The following CACNG8 variants were observed in gnomAD, a reference collection of about 807,000 sequenced individuals.
CACNG8 encodes the protein calcium voltage-gated channel auxiliary subunit gamma 8, also known as voltage-dependent calcium channel gamma-8 subunit.
CACNG8 carries 5 observed loss-of-function variants against 26.9 expected under a neutral mutation model. That is an observed-to-expected ratio of 0.19 (90% CI 0.10 to 0.39). The LOEUF is 0.39. Ranked by LOEUF, CACNG8 falls within the 10% of genes least tolerant of loss-of-function variation. CACNG8 has a pLI of 1.00. For synonymous variants in CACNG8, 321 were observed against 296.7 expected, an observed-to-expected ratio of 1.08 and a Z score of -0.84; for missense variants, 473 against 609.4, an observed-to-expected ratio of 0.78 and a Z score of 2.36.
chr19:53,969,092 A>G (rs1378698827), intron 1 of CACNG8, among the ~76,000 whole-genome samples: 1 of 151,948 alleles, frequency 6.6e-6, no homozygotes, highest in African/African-American at 2.4e-5. Flanking sequence ...CAACCTCCAC[A>G]TCCCGGGTTC....
In CACNG8 at chr19:53,988,724, G is replaced by C. The variant is rs2069422399; in HGVS notation, c.*5875G>C. 6.6e-6 allele frequency: 1 copy of C among 152,408 alleles called. No individual in the cohort carries two copies. The highest frequency in any genetic ancestry group is 1.5e-5 in the Non-Finnish European group (1 of 68,130). The allele number at this position is 152,408 out of a possible 1,614,324, so 9.4% of individuals were successfully genotyped here. Reference sequence around the variant, plus strand: ...TAGCTGTCACAGCAGGCAGGAGCAAGAGAGATGGGGAAGCCCAGGGCCAGG... The same window carrying C: ...TAGCTGTCACAGCAGGCAGGAGCAACAGAGATGGGGAAGCCCAGGGCCAGG... On this transcript the variant is annotated 3_prime_UTR_variant, in exon 4 of 4. Transcript: ENST00000270458.
chr19:53,965,461 C>T (rs1199555956), intron 1 of CACNG8, among the ~76,000 whole-genome samples: 3 of 151,946 alleles, frequency 2.0e-5, no homozygotes, highest in Non-Finnish European at 4.4e-5. Context: ...AGTTCATGTC[C>T]ATTCACTGGT....
At chr19:53,971,480 A>G (rs1408914983) in intron 1 of CACNG8, among the ~76,000 whole-genome samples, 3 of 152,064 alleles carry the variant, frequency 2.0e-5, no homozygotes, top group African/African-American at 7.2e-5. Context: ...CCCAGTAAAT[A>G]TTTTACCCTC....
rs558875261 is a variant in CACNG8 at position 53,979,056 on chromosome 19, A to G, written c.368-811A>G. 6.6e-4 allele frequency among the ~76,000 whole-genome samples: 97 copies of G among 146,250 alleles called. No individual in the cohort carries two copies. The Middle Eastern group carries it at 0.011, about 17-fold the overall frequency. ...GGAAGACAGATGAGGCCAGGCAGAA[A>G]AAAAAAGAGGGGGGAGAGACCTAGG... On this transcript the variant is annotated intron_variant, in intron 2 of 3. Transcript: ENST00000270458.
intron 1 of CACNG8, among the ~76,000 whole-genome samples, chr19:53,968,452 C>T (rs1026933160): frequency 1.3e-5 from 2 of 151,490 alleles, no homozygotes; most frequent in African/African-American, 4.8e-5. Flanking sequence ...AAGGCTTAAG[C>T]TTTCGGCCAG....
At chr19:53,974,193 T>C (rs1458294249) in intron 1 of CACNG8, among the ~76,000 whole-genome samples, 4 of 152,212 alleles carry the variant, frequency 2.6e-5, no homozygotes, top group Non-Finnish European at 5.9e-5. Context: ...TTCATATAAG[T>C]GGAATGACAC....
At chr19:53,977,326 C>T (rs977790349) in intron 1 of CACNG8, among the ~76,000 whole-genome samples, 1 of 152,198 alleles carries the variant, frequency 6.6e-6, no homozygotes, top group Admixed American at 6.5e-5. Context: ...CTGGACAGAG[C>T]TGGGCAGTTG....
intron 1 of CACNG8, among the ~76,000 whole-genome samples, chr19:53,975,591 G>C (rs1373238828): frequency 6.6e-6 from 1 of 152,062 alleles, no homozygotes; most frequent in Non-Finnish European, 1.5e-5. Flanking sequence ...TGTTGGCCAG[G>C]CTGGTCTCAA....
rs936594944 is a variant in CACNG8, at chr19:53,982,211, A to T, written c.640A>T (p.Ile214Phe). The T allele has an allele frequency of 6.2e-7, 1 of 1,613,084 alleles. No individual in the cohort carries two copies. The highest frequency in any genetic ancestry group is 8.5e-7 in the Non-Finnish European group (1 of 1,179,718). Reference sequence around the variant, plus strand: ...CTTCTACTTCGGCGGGCTGTCGTTCATCCTGGCCGAGGTGATAGGCGTGCT... The same window carrying T: ...CTTCTACTTCGGCGGGCTGTCGTTCTTCCTGGCCGAGGTGATAGGCGTGCT... The change falls in exon 4 of 4, where the codon ATC becomes TTC. Residue 214 changes from isoleucine (I) to phenylalanine (F), a missense_variant. Physicochemically the swap from Ile to Phe is conservative, Grantham distance 21 (BLOSUM62 0). This residue lies in a region of CACNG8 where 155 missense variants were observed against 253.0 expected (regional missense o/e 0.61). Transcript: ENST00000270458. The surrounding 1 kb of genome is among the most constrained non-coding windows in gnomAD (Gnocchi z 8.4).
intron 3 of CACNG8, among the ~76,000 whole-genome samples, chr19:53,980,249 C>T (rs1312371211): frequency 6.9e-6 from 1 of 145,236 alleles, no homozygotes; most frequent in South Asian, 2.2e-4. Context: ...AGGAGTAAAC[C>T]GACACAGGCA....
intron 1 of CACNG8, among the ~76,000 whole-genome samples, chr19:53,970,132 C>A (rs917980652): frequency 6.6e-6 from 1 of 151,794 alleles, no homozygotes; most frequent in African/African-American, 2.4e-5. Flanking sequence ...CTGGCTAACA[C>A]GGTGAAACCC....
chr19:53,980,349 C>T (rs973193364), intron 3 of CACNG8, among the ~76,000 whole-genome samples: 1 of 152,020 alleles, frequency 6.6e-6, no homozygotes, highest in Non-Finnish European at 1.5e-5. Flanking sequence ...GGGGTGGGAC[C>T]TTGAGACACA....
chr19:53,977,549 TTCC>T (rs2069336804), intron 1 of CACNG8, among the ~76,000 whole-genome samples: 2 of 152,026 alleles, frequency 1.3e-5, no homozygotes, highest in Non-Finnish European at 2.9e-5. Context: ...CTCCAGAAGG[TTCC>T]AGGTTCCCTG....
rs34461203 is a variant in CACNG8 at position 53,968,768 on chromosome 19, C to CAAAAAAA, written c.283+5360_283+5366dup. On this transcript the variant is annotated intron_variant, in intron 1 of 3. Coordinates refer to ENST00000270458, the MANE Select transcript of CACNG8 (RefSeq NM_031895.6). Reference sequence around the variant, plus strand: ...TGGGCAACAGAGTGAGACTCTATCTCAAAAAAAAAAAAAAAAAAAAAAAGG... The same window carrying CAAAAAAA: ...TGGGCAACAGAGTGAGACTCTATCTCAAAAAAAAAAAAAAAAAAAAAAAAAAAAAAGG... Among the ~76,000 whole-genome samples the CAAAAAAA allele has an allele frequency of 7.2e-4, 36 of 50,322 alleles. 3 individuals carry two copies. Among genetic ancestry groups the CAAAAAAA allele is most frequent in the African/African-American group, 3.0e-3 (32 of 10,530 alleles). The allele number at this position is 50,322 out of a possible 152,430, so 33.0% of individuals were successfully genotyped here. A position where few individuals can be genotyped will look rare whatever the true frequency, so the allele number is the denominator to read the frequency against.
chr19:53,980,248 C>T (rs1188433710), intron 3 of CACNG8, among the ~76,000 whole-genome samples: 1 of 145,220 alleles, frequency 6.9e-6, no homozygotes, highest in African/African-American at 2.6e-5. Context: ...GAGGAGTAAA[C>T]CGACACAGGC....
chr19:53,978,925 A>T (rs1253632581), intron 2 of CACNG8, among the ~76,000 whole-genome samples: 1 of 142,352 alleles, frequency 7.0e-6, no homozygotes, highest in South Asian at 2.4e-4. Flanking sequence ...AGAAACCTGG[A>T]AGATTGAAGA....
At chr19:53,979,739 C>A in intron 2 of CACNG8, 128 bp from the exon 3 acceptor site, 2 of 965,678 alleles carry the variant, frequency 2.1e-6, no homozygotes, top group South Asian at 2.0e-5. Context: ...AACCAGAACA[C>A]AGCCGGAGAG....
At chr19:53,978,357 C>G (rs1309790210) in intron 2 of CACNG8, 128 bp downstream of exon 2, 1 of 677,596 alleles carries the variant, frequency 1.5e-6, no homozygotes, top group Non-Finnish European at 2.6e-6. Flanking sequence ...GTTAGCCTCC[C>G]AGCCAATCCG....
At chr19:53,979,409 A>G (rs1279404898) in intron 2 of CACNG8, among the ~76,000 whole-genome samples, 2 of 151,862 alleles carry the variant, frequency 1.3e-5, no homozygotes, top group South Asian at 2.1e-4. Context: ...GAGAGAGAGA[A>G]ACCCAGATAG....
Sources: allele counts gnomAD v4.1 joint callset (sites outside exome capture counted in the v4.1 genomes callset), GRCh38; gene constraint gnomAD v4.1.1; regional missense constraint gnomAD v4.1.1; non-coding constraint Gnocchi (gnomAD v3.1); transcripts MANE v1.5; gene names NCBI Gene and HGNC (gene_info 2026-07-23, HGNC 2026-07-21).